Variants in UNC79 observed in about 807,000 individuals in gnomAD.
The protein encoded by UNC79 is protein unc-79 homolog.
UNC79 carries 37 observed loss-of-function variants against 283.1 expected under a neutral mutation model. The ratio of observed to expected loss-of-function variants is 0.13; its 90% CI spans 0.10 to 0.17. The LOEUF (loss-of-function observed/expected upper bound fraction) is 0.17. UNC79 is among the 10% of genes least tolerant of loss of function. The pLI is 1.00. For missense variants in UNC79, 2,272 were observed against 3,211.1 expected, an observed-to-expected ratio of 0.71 and a Z score of 7.07; for synonymous variants, 1,107 against 1,200.2, an observed-to-expected ratio of 0.92 and a Z score of 1.61.
intron 1 of UNC79, among the ~76,000 whole-genome samples, chr14:93,375,054 A>G (rs2054527504): frequency 6.6e-6 from 1 of 152,200 alleles, no homozygotes; most frequent in Non-Finnish European, 1.5e-5. Context: ...TCCAAAACTC[A>G]TGTTGCAATT....
intron 1 of UNC79, among the ~76,000 whole-genome samples, chr14:93,337,219 A>C (rs1566876317): frequency 6.6e-6 from 1 of 151,346 alleles, no homozygotes; most frequent in Non-Finnish European, 1.5e-5. Flanking sequence ...GCCAATAAAA[A>C]CCCCCAGACC....
chr14:93,643,766 T>C, intron 34 of UNC79, 69 bp downstream of exon 37: 1 of 1,570,754 alleles, frequency 6.4e-7, no homozygotes, highest in Admixed American at 1.9e-5. Context: ...AACTAAAAAC[T>C]ACCAGTTCAA....
intron 42 of UNC79, among the ~76,000 whole-genome samples, chr14:93,683,585 A>C (rs943426922): frequency 2.6e-4 from 40 of 152,290 alleles, no homozygotes; most frequent in African/African-American, 9.1e-4. Context: ...TTTAAAACTC[A>C]ATATTTGCTA....
chr14:93,645,439 C>G (rs984864450), intron 34 of UNC79, among the ~76,000 whole-genome samples: 1 of 152,184 alleles, frequency 6.6e-6, no homozygotes, highest in Non-Finnish European at 1.5e-5. Context: ...CAACCTAAGC[C>G]TAATCACCAA....
chr14:93,414,513 C>T (rs1163452891), intron 1 of UNC79, among the ~76,000 whole-genome samples: 2 of 152,114 alleles, frequency 1.3e-5, no homozygotes, highest in Non-Finnish European at 2.9e-5. Context: ...AATGCGGGCT[C>T]TTTTTTGGTG....
At chr14:93,490,235 T>C (rs2058656418) in intron 5 of UNC79, among the ~76,000 whole-genome samples, 2 of 152,128 alleles carry the variant, frequency 1.3e-5, no homozygotes, top group African/African-American at 4.8e-5. Context: ...TTTTGGACAA[T>C]ACCTCCTGGC....
At chr14:93,622,077 C>T in exon 30 of UNC79, 1 of 1,614,144 alleles carries the variant, frequency 6.2e-7, no homozygotes, top group South Asian at 1.1e-5. Flanking sequence ...TCAGATTCAA[C>T]CTCGGGGCCT....
intron 1 of UNC79, among the ~76,000 whole-genome samples, chr14:93,405,451 A>T (rs9323890): frequency 6.6e-6 from 1 of 151,912 alleles, no homozygotes; most frequent in Admixed American, 6.6e-5. Flanking sequence ...TAAGTCAAGC[A>T]TATAAAAAAT....
Position 93,553,119 on chromosome 14 carries a change from A to G in UNC79, c.1755+10423A>G, listed in dbSNP as rs190477944. ...CATGTATGCAAACAACTATATTGCC[A>G]TAAGTTAAGAATACTCACATATAGT... On this transcript the variant is annotated intron_variant, in intron 14 of 48. Coordinates refer to ENST00000555664, the Ensembl canonical transcript of UNC79. Among the ~76,000 whole-genome samples the G allele has an allele frequency of 1.3e-4, 20 of 152,380 alleles. No homozygotes were observed. In the East Asian group the frequency reaches 3.7e-3, roughly 28 times the overall value.
chr14:93,689,896 C>T, intron 44 of UNC79: 1 of 562,668 alleles, frequency 1.8e-6, no homozygotes, highest in South Asian at 2.4e-5. Context: ...CCTGTGTCAC[C>T]AAAGGCTGTT....
chr14:93,538,361 C>A, intron 12 of UNC79, 143 bp downstream of exon 12: 1 of 850,760 alleles, frequency 1.2e-6, no homozygotes, highest in Non-Finnish European at 1.7e-6. Context: ...TGTAATGATG[C>A]TATTTTAATT....
Position 93,412,643 on chromosome 14 carries a change from G to A in UNC79, c.-350-55028G>A, listed in dbSNP as rs2055358754. ...GTCTTCTTTGGGTTAAATCTTCTTGGTGTCTTACAACCTTCTTGTACTTGG... is the reference window on the plus strand; with the variant it reads ...GTCTTCTTTGGGTTAAATCTTCTTGATGTCTTACAACCTTCTTGTACTTGG... On this transcript the variant is annotated intron_variant, in intron 1 of 49. Coordinates refer to the UNC79 transcript ENST00000256339. 2.6e-5 allele frequency among the ~76,000 whole-genome samples: 4 copies of A among 152,054 alleles called. No homozygotes were observed. The South Asian group carries it at 8.3e-4, about 32-fold the overall frequency.
chr14:93,698,617 C>T (rs749656994), intron 47 of UNC79, among the ~76,000 whole-genome samples: 1 of 150,216 alleles, frequency 6.7e-6, no homozygotes, highest in Non-Finnish European at 1.5e-5. Context: ...TCCTGAGTAG[C>T]TGGGACCACA....
intron 31 of UNC79, among the ~76,000 whole-genome samples, chr14:93,631,300 A>G (rs1257440094): frequency 2.0e-5 from 3 of 152,252 alleles, no homozygotes; most frequent in Non-Finnish European, 4.4e-5. Flanking sequence ...AGTCGCCTCC[A>G]TCATTGACAA....
intron 10 of UNC79, among the ~76,000 whole-genome samples, chr14:93,529,879 G>A (rs1005374880): frequency 6.6e-6 from 1 of 152,174 alleles, no homozygotes; most frequent in African/African-American, 2.4e-5. Flanking sequence ...AGTTGTCAAA[G>A]CTATGCCCTA....
At chr14:93,609,813 C>T (rs2066167110) in intron 26 of UNC79, among the ~76,000 whole-genome samples, 2 of 152,064 alleles carry the variant, frequency 1.3e-5, no homozygotes, top group Admixed American at 6.6e-5. Context: ...GAAGAGTGCA[C>T]CAGTCACAAG....
rs529417593 is a variant in UNC79, at chr14:93,483,728, C to T, written c.620-3935C>T. The stretch of plus-strand genomic sequence containing the variant: ...TGAGAGGCCCCTGTGTGTGATGTTC[C>T]GCATCCTGGGTCCAGGTGTTCTCAG... On this transcript the variant is annotated intron_variant, in intron 4 of 48. Coordinates refer to ENST00000555664, the Ensembl canonical transcript of UNC79. Among the ~76,000 whole-genome samples the T allele has an allele frequency of 6.0e-5, 9 of 149,360 alleles. No homozygotes were observed. The East Asian group carries it at 9.9e-4, about 16-fold the overall frequency.
At chr14:93,396,777 A>G (rs3993831) in intron 1 of UNC79, among the ~76,000 whole-genome samples, 2,557 of 144,456 alleles carry the variant, frequency 0.018, 32 homozygotes, top group African/African-American at 0.019. Flanking sequence ...ATGTGTGTGT[A>G]TGTGTGTGTG....
intron 31 of UNC79, among the ~76,000 whole-genome samples, chr14:93,635,887 C>T (rs1032890661): frequency 6.6e-6 from 1 of 152,192 alleles, no homozygotes; most frequent in African/African-American, 2.4e-5. Context: ...TTTCTGCCTA[C>T]ACCAAAGAGG....
Sources: allele counts gnomAD v4.1 joint callset (sites outside exome capture counted in the v4.1 genomes callset), GRCh38; gene constraint gnomAD v4.1.1; transcripts MANE v1.5; gene names NCBI Gene and HGNC (gene_info 2026-07-23, HGNC 2026-07-21).